CEP120: variants seen among roughly 807,000 people sequenced by gnomAD.
CEP120 encodes centrosomal protein 120.
CEP120 carries 113 observed loss-of-function variants against 126.5 expected under a neutral mutation model. The ratio of observed to expected loss-of-function variants is 0.89; its 90% CI spans 0.77 to 1.04. The LOEUF (loss-of-function observed/expected upper bound fraction) is 1.04. Ranked by LOEUF, CEP120 falls within the 50% of genes least tolerant of loss-of-function variation. The pLI is 0.00. For synonymous variants in CEP120, 400 were observed against 394.3 expected (o/e 1.01, Z -0.17); for missense variants, 1,230 against 1,155.7 (o/e 1.06, Z -0.93).
intron 4 of CEP120, among the ~76,000 whole-genome samples, chr5:123,407,088 G>A (rs1773732995): frequency 6.9e-6 from 1 of 144,964 alleles, no homozygotes. Context: ...CAAACTCTAG[G>A]GCAACCACTA....
intron 3 of CEP120, among the ~76,000 whole-genome samples, chr5:123,414,075 A>G (rs1774235517): frequency 6.6e-6 from 1 of 152,234 alleles, no homozygotes; most frequent in African/African-American, 2.4e-5. Context: ...TTGATTACAA[A>G]TATGTTGACA....
intron 17 of CEP120, among the ~76,000 whole-genome samples, chr5:123,366,416 G>T (rs1770461977): frequency 1.3e-5 from 2 of 151,594 alleles, no homozygotes; most frequent in South Asian, 4.2e-4. Flanking sequence ...CTCAGCTCAG[G>T]ACCTACAGTC....
chr5:123,412,443 A>T lies in CEP120; in HGVS notation c.419T>A (p.Val140Glu), dbSNP rs1774123325. ...AGCCCCCTTTGCTTTAAAGCTATCCACTGGTGGCTTTGTATCGGTTTCCAA... is the reference window on the plus strand; with the variant it reads ...AGCCCCCTTTGCTTTAAAGCTATCCTCTGGTGGCTTTGTATCGGTTTCCAA... The part of the protein sequence containing the change: ...IALETDTKPP[V>E]DSFKAKGAPP... The change falls in exon 4 of 20, where the codon GTG (valine) becomes GAG (glutamate). Residue 140 changes from valine (V) to glutamate (E), a missense_variant. By Grantham distance (121) the Val-to-Glu change is moderately radical. Transcript: ENST00000306467. 1 of 1,612,112 alleles carries T rather than the reference A, an allele frequency of 6.2e-7. No homozygotes were observed. Among genetic ancestry groups the T allele is most frequent in the Non-Finnish European group, 8.5e-7 (1 of 1,179,144 alleles).
chr5:123,356,366 T>C (rs1047295447), intron 18 of CEP120, among the ~76,000 whole-genome samples: 1 of 152,142 alleles, frequency 6.6e-6, no homozygotes, highest in African/African-American at 2.4e-5. Context: ...TCCATGCTCA[T>C]GGGTAGGAAG....
chr5:123,375,157 A>T (rs1384602856), intron 16 of CEP120, among the ~76,000 whole-genome samples: 2 of 152,012 alleles, frequency 1.3e-5, no homozygotes, highest in African/African-American at 4.8e-5. Context: ...CATCTTGGAA[A>T]CTTCTCCTGT....
chr5:123,409,733 G>A (rs902708265), intron 4 of CEP120, among the ~76,000 whole-genome samples: 3 of 152,068 alleles, frequency 2.0e-5, no homozygotes, highest in Non-Finnish European at 2.9e-5. Context: ...CGAGGCAGGC[G>A]GATCACCTGA....
chr5:123,416,997 C>A (rs1444965267), intron 2 of CEP120, among the ~76,000 whole-genome samples: 2 of 152,168 alleles, frequency 1.3e-5, no homozygotes, highest in Non-Finnish European at 2.9e-5. Flanking sequence ...CTGGCTCATG[C>A]ATTAAGCTGA....
intron 15 of CEP120, 147 bp downstream of exon 15, chr5:123,378,189 A>T: frequency 1.8e-6 from 1 of 567,042 alleles, no homozygotes; most frequent in Middle Eastern, 2.8e-4. Context: ...CCTCTATTCC[A>T]GTCTTTGCTT....
chr5:123,351,721 C>A lies in CEP120; in HGVS notation c.2581-1632G>T, dbSNP rs1319128666. Among the ~76,000 whole-genome samples the A allele has an allele frequency of 5.3e-5, 8 of 152,156 alleles. 1 individual carries two copies. The highest frequency in any genetic ancestry group is 1.0e-4 in the Non-Finnish European group (7 of 68,012). ...ATGTTTCACATATACCTTGTATACA[C>A]AGCCTGAAAGTAATTTTACATAACG... On this transcript the variant is annotated intron_variant, in intron 18 of 19. Coordinates refer to ENST00000306467, the MANE Select transcript of CEP120 (RefSeq NM_001375405.1).
chr5:123,393,511 G>A lies in CEP120; in HGVS notation c.613-14C>T. ...ACATGGAATTAACTAAACATTTCAGGAAAAAGAAAACAGTTATTACTTTCT... is the reference window on the plus strand; with the variant it reads ...ACATGGAATTAACTAAACATTTCAGAAAAAAGAAAACAGTTATTACTTTCT... On this transcript the variant is annotated splice_polypyrimidine_tract_variant and intron_variant, in intron 5 of 19. Coordinates refer to ENST00000306467, the MANE Select transcript of CEP120 (RefSeq NM_001375405.1). 1 of 1,603,318 alleles carries A rather than the reference G, an allele frequency of 6.2e-7. No individual in the cohort carries two copies. The highest frequency in any genetic ancestry group is 1.1e-5 in the South Asian group (1 of 90,780).
chr5:123,348,056 C>A (rs939940427), intron 19 of CEP120, among the ~76,000 whole-genome samples: 24 of 152,176 alleles, frequency 1.6e-4, no homozygotes, highest in Admixed American at 1.6e-3. Flanking sequence ...CCATGAACGT[C>A]CCTAACTGCA....
intron 3 of CEP120, among the ~76,000 whole-genome samples, chr5:123,412,877 T>C (rs1355408996): frequency 6.6e-6 from 1 of 152,212 alleles, no homozygotes; most frequent in East Asian, 1.9e-4. Flanking sequence ...ACAAAAAAAC[T>C]ACCAGTTTTC....
chr5:123,399,358 A>G, intron 4 of CEP120, 74 bp from the exon 5 acceptor site: 1 of 1,391,870 alleles, frequency 7.2e-7, no homozygotes, highest in Non-Finnish European at 9.9e-7. Flanking sequence ...AAAACTGATT[A>G]TATTTTGTAA....
rs564993320 is a variant in CEP120, at chr5:123,383,203, G to A, written c.1764-121C>T. The A allele has an allele frequency of 5.0e-6, 3 of 605,522 alleles. No individual in the cohort carries two copies. The South Asian group carries it at 6.9e-5, about 14-fold the overall frequency. 37.5% of individuals were successfully genotyped at this position (605,522 alleles called of 1,614,324 possible). On this transcript the variant is annotated intron_variant, in intron 11 of 19. Coordinates refer to ENST00000306467, the MANE Select transcript of CEP120 (RefSeq NM_001375405.1). Reference sequence around the variant, plus strand: ...AACATTTTCTGCTCCTAACTCTATTGTTTTTGAAACTGCAGCAACTTCTGT... The same window carrying A: ...AACATTTTCTGCTCCTAACTCTATTATTTTTGAAACTGCAGCAACTTCTGT...
chr5:123,413,116 C>G (rs911902005), intron 3 of CEP120, among the ~76,000 whole-genome samples: 2 of 151,456 alleles, frequency 1.3e-5, no homozygotes, highest in African/African-American at 2.4e-5. Flanking sequence ...ACTAAAAATA[C>G]GAAAAATTAG....
intron 16 of CEP120, among the ~76,000 whole-genome samples, chr5:123,374,712 A>G (rs1263185423): frequency 6.6e-6 from 1 of 152,192 alleles, no homozygotes; most frequent in Non-Finnish European, 1.5e-5. Flanking sequence ...AGAACTGTCC[A>G]TATGACAGAA....
chr5:123,358,422 AAT>A (rs1202417271), intron 18 of CEP120: 1 of 152,052 alleles, frequency 6.6e-6, no homozygotes, highest in Non-Finnish European at 1.5e-5. Context: ...TCTGGACAAA[AAT>A]ACACCAAACT....
intron 2 of CEP120, among the ~76,000 whole-genome samples, chr5:123,417,218 T>C (rs954431627): frequency 2.4e-4 from 37 of 152,226 alleles, no homozygotes; most frequent in Non-Finnish European, 3.7e-4. Flanking sequence ...ATTGATATTC[T>C]CTAAGAATGC....
intron 5 of CEP120, among the ~76,000 whole-genome samples, chr5:123,395,855 TG>T (rs1172468511): frequency 2.6e-5 from 4 of 151,926 alleles, no homozygotes; most frequent in Admixed American, 1.3e-4. Context: ...CTAATTTTTT[TG>T]TATTTTTAGT....
Sources: gnomAD v4.1 joint callset for allele counts (sites outside exome capture counted in the v4.1 genomes callset) on GRCh38, gnomAD v4.1.1 for gene constraint, MANE v1.5 for transcripts, NCBI Gene and HGNC (gene_info 2026-07-23, HGNC 2026-07-21) for gene names.